ERBB4: variants seen among roughly 807,000 people sequenced by gnomAD.
The protein encoded by ERBB4 is erb-b2 receptor tyrosine kinase 4, also known as receptor tyrosine-protein kinase erbB-4.
In ERBB4, 42 loss-of-function variants were observed where a neutral mutation model predicts 158.0. That is an observed-to-expected ratio of 0.27 (90% CI 0.21 to 0.34). The LOEUF is 0.34. Among genes scored for constraint, ERBB4 ranks in the 10% least tolerant of loss-of-function variants. The pLI is 1.00. For missense variants in ERBB4, 1,333 were observed against 1,624.1 expected (o/e 0.82, Z 3.08); for synonymous variants, 583 against 558.7 (o/e 1.04, Z -0.61).
At chr2:212,177,168 A>C (rs566005571) in intron 1 of ERBB4, among the ~76,000 whole-genome samples, 52 of 151,946 alleles carry the variant, frequency 3.4e-4, no homozygotes, top group African/African-American at 1.2e-3. Context: ...CCACTTAAGA[A>C]TTATAGAATT....
chr2:211,774,103 C>A (rs2075812495), intron 4 of ERBB4, among the ~76,000 whole-genome samples: 1 of 149,550 alleles, frequency 6.7e-6, no homozygotes, highest in Admixed American at 6.7e-5. Flanking sequence ...GATGGAGTCT[C>A]CCTCTGTCGC....
At chr2:211,747,233 T>G (rs148737724) in intron 5 of ERBB4, among the ~76,000 whole-genome samples, 1 of 152,266 alleles carries the variant, frequency 6.6e-6, no homozygotes, top group East Asian at 1.9e-4. Context: ...ACTATTAACA[T>G]TTTTATTTGT....
chr2:211,636,333 T>C (rs2070360533), intron 16 of ERBB4, among the ~76,000 whole-genome samples: 1 of 152,036 alleles, frequency 6.6e-6, no homozygotes, highest in Non-Finnish European at 1.5e-5. Context: ...TAAGTTTTAA[T>C]CATATGTCTA....
chr2:212,009,974 T>C (rs2076346097), intron 2 of ERBB4, among the ~76,000 whole-genome samples: 2 of 152,228 alleles, frequency 1.3e-5, no homozygotes, highest in South Asian at 4.1e-4. Context: ...AGAATAATCT[T>C]CCTATTGTTT....
intron 1 of ERBB4, among the ~76,000 whole-genome samples, chr2:212,198,733 C>CTTTTTTTTTTTTTTTTTTTTT: frequency 1.0e-5 from 1 of 96,430 alleles, no homozygotes. Context: ...TCACCACGCC[C>CTTTTTTTTTTTTTTTTTTTTT]TTTTTTTTTT....
At chr2:211,906,031 C>T (rs571580933) in intron 3 of ERBB4, among the ~76,000 whole-genome samples, 1 of 152,056 alleles carries the variant, frequency 6.6e-6, no homozygotes, top group South Asian at 2.1e-4. Flanking sequence ...AGGTAGCACA[C>T]CTACAGCCTT....
intron 20 of ERBB4, among the ~76,000 whole-genome samples, chr2:211,478,786 C>T (rs114669321): frequency 0.031 from 4,708 of 152,116 alleles, 100 homozygotes; most frequent in African/African-American, 0.052. Flanking sequence ...TATTATGTTA[C>T]TATTTCTCAG....
chr2:212,302,754 TG>T (rs1471415556), intron 1 of ERBB4, among the ~76,000 whole-genome samples: 3 of 151,540 alleles, frequency 2.0e-5, no homozygotes, highest in Admixed American at 1.3e-4. Context: ...AAGTAATTAG[TG>T]GGATTTTATT....
chr2:211,983,051 T>C (rs1407162207), intron 2 of ERBB4, among the ~76,000 whole-genome samples: 2 of 152,182 alleles, frequency 1.3e-5, no homozygotes, highest in Admixed American at 1.3e-4. Context: ...TACCATATCA[T>C]GGAATCTCAA....
At chr2:211,606,866 A>T (rs768111754) in intron 19 of ERBB4, among the ~76,000 whole-genome samples, 6 of 152,118 alleles carry the variant, frequency 3.9e-5, no homozygotes, top group Non-Finnish European at 4.4e-5. Flanking sequence ...GCATTGTTTT[A>T]ATCACAAGAG....
At chr2:211,616,431 T>C (rs1333777310) in intron 19 of ERBB4, among the ~76,000 whole-genome samples, 1 of 152,144 alleles carries the variant, frequency 6.6e-6, no homozygotes, top group Non-Finnish European at 1.5e-5. Flanking sequence ...CTAACACAAG[T>C]TAAACTTATT....
At chr2:212,097,458 T>C (rs1193796371) in intron 2 of ERBB4, among the ~76,000 whole-genome samples, 1 of 152,112 alleles carries the variant, frequency 6.6e-6, no homozygotes, top group African/African-American at 2.4e-5. Flanking sequence ...GGCAGATAGT[T>C]TGGTGAAAGC....
intron 2 of ERBB4, among the ~76,000 whole-genome samples, chr2:212,096,950 C>G (rs1327397796): frequency 6.6e-6 from 1 of 152,026 alleles, no homozygotes; most frequent in African/African-American, 2.4e-5. Flanking sequence ...CTATTTGTTC[C>G]TCCTTCTATT....
intron 2 of ERBB4, among the ~76,000 whole-genome samples, chr2:212,019,335 G>A (rs1283424397): frequency 6.6e-6 from 1 of 152,004 alleles, no homozygotes; most frequent in Non-Finnish European, 1.5e-5. Flanking sequence ...TTTTCCATAT[G>A]TGTTTGCTTA....
At chr2:211,630,109 C>A (rs978141781) in intron 17 of ERBB4, among the ~76,000 whole-genome samples, 8 of 152,170 alleles carry the variant, frequency 5.3e-5, no homozygotes, top group Non-Finnish European at 8.8e-5. Context: ...AGTGAACAGG[C>A]AACCTACAGA....
chr2:211,721,618 AACATATAT>A (rs200964047), intron 7 of ERBB4, among the ~76,000 whole-genome samples: 2,851 of 69,848 alleles, frequency 0.041, 116 homozygotes, highest in African/African-American at 0.22. Flanking sequence ...TTTGCTATTA[AACATATAT>A]ATATATATAT....
At chr2:212,012,361 T>C (rs2076408421) in intron 2 of ERBB4, among the ~76,000 whole-genome samples, 1 of 152,006 alleles carries the variant, frequency 6.6e-6, no homozygotes, top group South Asian at 2.1e-4. Context: ...TGCCAAATGG[T>C]ACTGGGCTGG....
At chr2:211,910,888 G>A (rs2079525470) in intron 3 of ERBB4, among the ~76,000 whole-genome samples, 1 of 147,974 alleles carries the variant, frequency 6.8e-6, no homozygotes, top group African/African-American at 2.7e-5. Flanking sequence ...CCTTCTTAAA[G>A]TAAACTCCTT....
chr2:211,660,850 C>T (rs1018359940), intron 15 of ERBB4, among the ~76,000 whole-genome samples: 8 of 152,068 alleles, frequency 5.3e-5, no homozygotes, highest in African/African-American at 1.9e-4. Flanking sequence ...TTGAGTAAAA[C>T]CAATTAACTG....
Sources: allele counts gnomAD v4.1 joint callset (sites outside exome capture counted in the v4.1 genomes callset), GRCh38; gene constraint gnomAD v4.1.1; transcripts MANE v1.5; gene names NCBI Gene and HGNC (gene_info 2026-07-23, HGNC 2026-07-21).